Variants in KCNH8 observed in about 807,000 individuals in gnomAD.
The protein encoded by KCNH8 is potassium voltage-gated channel subfamily H member 8.
In KCNH8, 70 loss-of-function variants were observed where a neutral mutation model predicts 103.6. That is an observed-to-expected ratio of 0.68 (90% CI 0.56 to 0.82). The LOEUF (loss-of-function observed/expected upper bound fraction) is 0.82, where lower values mean the gene tolerates loss of function less well. Among genes scored for constraint, KCNH8 ranks in the 40% least tolerant of loss-of-function variants. The pLI is 0.00. For missense variants in KCNH8, 1,217 were observed against 1,329.9 expected, an observed-to-expected ratio of 0.92 and a Z score of 1.32; for synonymous variants, 498 against 489.4, an observed-to-expected ratio of 1.02 and a Z score of -0.23.
chr3:19,241,550 A>G (rs2064141429), intron 1 of KCNH8, among the ~76,000 whole-genome samples: 1 of 152,136 alleles, frequency 6.6e-6, no homozygotes, highest in Non-Finnish European at 1.5e-5. Context: ...CCAAAATCTA[A>G]TCATCAACAG....
intron 8 of KCNH8, among the ~76,000 whole-genome samples, chr3:19,439,718 A>G (rs1240830771): frequency 6.6e-6 from 1 of 152,210 alleles, no homozygotes; most frequent in Non-Finnish European, 1.5e-5. Flanking sequence ...AAGACCACAA[A>G]CAAAAAGTAT....
intron 1 of KCNH8, among the ~76,000 whole-genome samples, chr3:19,235,144 T>G (rs2125240984): frequency 6.6e-6 from 1 of 152,342 alleles, no homozygotes; most frequent in East Asian, 1.9e-4. Flanking sequence ...ATGGTAAAAT[T>G]GGTTTTATTA....
intron 15 of KCNH8, among the ~76,000 whole-genome samples, chr3:19,528,072 T>C (rs1316165319): frequency 2.6e-5 from 4 of 151,506 alleles, no homozygotes; most frequent in Non-Finnish European, 4.4e-5. Flanking sequence ...TTCTTATCCA[T>C]GGAAGAATAA....
intron 1 of KCNH8, among the ~76,000 whole-genome samples, chr3:19,252,221 A>C (rs1341840213): frequency 2.6e-5 from 4 of 152,110 alleles, no homozygotes; most frequent in African/African-American, 9.7e-5. Context: ...ATCTCAAAAA[A>C]TTTATCCCAT....
intron 11 of KCNH8, among the ~76,000 whole-genome samples, chr3:19,458,301 C>G (rs1458317224): frequency 6.6e-6 from 1 of 151,750 alleles, no homozygotes; most frequent in Non-Finnish European, 1.5e-5. Context: ...TTTGTGCTCA[C>G]CATGACAGCA....
intron 11 of KCNH8, among the ~76,000 whole-genome samples, chr3:19,471,294 TGAGAATGAAAA>T (rs1323826903): frequency 1.3e-5 from 2 of 152,178 alleles, no homozygotes; most frequent in African/African-American, 4.8e-5. Context: ...ATGTATTCCT[TGAGAATGAAAA>T]ACAACCTACT....
chr3:19,217,996 T>C (rs1402242132), intron 1 of KCNH8, among the ~76,000 whole-genome samples: 1 of 152,158 alleles, frequency 6.6e-6, no homozygotes, highest in East Asian at 1.9e-4. Context: ...TCACATAAAC[T>C]AGGAGCCATG....
chr3:19,445,241 T>C (rs1394398450), intron 8 of KCNH8, among the ~76,000 whole-genome samples: 1 of 151,990 alleles, frequency 6.6e-6, no homozygotes, highest in East Asian at 1.9e-4. Context: ...ATTTTATGAT[T>C]TTGTTTAGAG....
At chr3:19,462,391 G>A (rs763553689) in intron 11 of KCNH8, among the ~76,000 whole-genome samples, 18 of 152,222 alleles carry the variant, frequency 1.2e-4, no homozygotes, top group Non-Finnish European at 2.6e-4. Context: ...CTGATGACCA[G>A]TGATGATGAG....
intron 2 of KCNH8, among the ~76,000 whole-genome samples, chr3:19,279,252 G>C (rs141838728): frequency 6.6e-6 from 1 of 152,234 alleles, no homozygotes; most frequent in East Asian, 1.9e-4. Flanking sequence ...CTGGGATGAC[G>C]AGGATAGCAG....
At chr3:19,407,508 C>T (rs543287930) in intron 7 of KCNH8, among the ~76,000 whole-genome samples, 49 of 151,860 alleles carry the variant, frequency 3.2e-4, no homozygotes, top group Admixed American at 2.0e-3. Context: ...CCTGAGTTGC[C>T]CCACCCCTCC....
At chr3:19,411,821 GA>G (rs1056390489) in intron 7 of KCNH8, among the ~76,000 whole-genome samples, 3 of 151,032 alleles carry the variant, frequency 2.0e-5, no homozygotes, top group African/African-American at 7.3e-5. Flanking sequence ...TCAAACCAAG[GA>G]GATGAAAGAT....
intron 1 of KCNH8, among the ~76,000 whole-genome samples, chr3:19,208,318 A>G (rs1256358438): frequency 6.6e-6 from 1 of 152,016 alleles, no homozygotes; most frequent in Non-Finnish European, 1.5e-5. Context: ...TTAACATTTC[A>G]AATGTTGTTA....
chr3:19,531,216 G>T (rs1005302464), intron 15 of KCNH8, among the ~76,000 whole-genome samples: 5 of 152,146 alleles, frequency 3.3e-5, no homozygotes, highest in African/African-American at 1.2e-4. Flanking sequence ...TGGCTAATGT[G>T]CCTCTTTAAC....
chr3:19,519,335 TGAG>T (rs1239252428), intron 15 of KCNH8, among the ~76,000 whole-genome samples: 2 of 151,828 alleles, frequency 1.3e-5, no homozygotes, highest in African/African-American at 4.8e-5. Flanking sequence ...ATGGTATTGA[TGAG>T]ATTTATGAAA....
At chr3:19,182,488 G>A (rs1193252055) in intron 1 of KCNH8, among the ~76,000 whole-genome samples, 1 of 152,140 alleles carries the variant, frequency 6.6e-6, no homozygotes, top group Non-Finnish European at 1.5e-5. Context: ...CCAAGATCGC[G>A]CCACTGCACT....
At chr3:19,429,487 C>G (rs2067086940) in intron 7 of KCNH8, among the ~76,000 whole-genome samples, 1 of 152,270 alleles carries the variant, frequency 6.6e-6, no homozygotes, top group South Asian at 2.1e-4. Flanking sequence ...ATCCACTCTT[C>G]TAACAAAGGC....
intron 1 of KCNH8, among the ~76,000 whole-genome samples, chr3:19,177,605 A>G (rs2063412767): frequency 6.6e-6 from 1 of 152,030 alleles, no homozygotes; most frequent in African/African-American, 2.4e-5. Flanking sequence ...AAATGCATGT[A>G]TATTTAAATA....
intron 5 of KCNH8, among the ~76,000 whole-genome samples, chr3:19,366,557 G>A (rs2066013210): frequency 6.6e-6 from 1 of 151,972 alleles, no homozygotes; most frequent in Non-Finnish European, 1.5e-5. Flanking sequence ...AAAATTGTGA[G>A]TTCTTGATTT....
Sources: gnomAD v4.1 joint callset for allele counts (sites outside exome capture counted in the v4.1 genomes callset) on GRCh38, gnomAD v4.1.1 for gene constraint, MANE v1.5 for transcripts, NCBI Gene and HGNC (gene_info 2026-07-23, HGNC 2026-07-21) for gene names.